RIC8B: variants seen among roughly 807,000 people sequenced by gnomAD.
RIC8B encodes the protein chaperone Ric-8B.
Under a neutral mutation model 57.5 loss-of-function variants are expected in RIC8B, and 16 were observed. That is an observed-to-expected ratio of 0.28 (90% CI 0.19 to 0.42). RIC8B has a LOEUF of 0.42. Among genes scored for constraint, RIC8B ranks in the 10% least tolerant of loss-of-function variants. The pLI, the probability that RIC8B is intolerant of heterozygous loss-of-function variation, is 1.00. For synonymous variants in RIC8B, 216 were observed against 250.8 expected (o/e 0.86, Z 1.31); for missense variants, 481 against 677.0 (o/e 0.71, Z 3.21).
intron 3 of RIC8B, chr12:106,823,529 C>A (rs1315244675): frequency 2.3e-6 from 1 of 442,888 alleles, no homozygotes; most frequent in Non-Finnish European, 4.5e-6. Flanking sequence ...TCAACATCAG[C>A]ATGAAAAGAG....
intron 3 of RIC8B, among the ~76,000 whole-genome samples, chr12:106,823,611 A>C (rs185430842): frequency 2.6e-4 from 39 of 152,312 alleles, no homozygotes; most frequent in African/African-American, 8.9e-4. Context: ...AATTTTTAAA[A>C]CTAAGGGAAA....
chr12:106,775,452 AATG>A, intron 1 of RIC8B: 1 of 436,928 alleles, frequency 2.3e-6, no homozygotes, highest in Non-Finnish European at 4.6e-6. Context: ...TGTAACTCCT[AATG>A]ATACCTGTTA....
In RIC8B at chr12:106,825,783, G is replaced by T; in HGVS notation, c.799G>T (p.Val267Leu). Residue 267 changes from valine (V) to leucine (L), a missense_variant, in exon 4 of 10, where the codon GTA (valine) becomes TTA (leucine). Transcript: ENST00000392837. ...AAVLRHCLLIVGPTEDKTEEL... is the reference protein window; with the variant it reads ...AAVLRHCLLILGPTEDKTEEL... The stretch of plus-strand genomic sequence containing the variant: ...TGTCCTTCGTCATTGTTTACTAATC[G>T]TAGGTCCAACTGAAGACAAAACAGA... 1 of 1,613,666 alleles carries T rather than the reference G, an allele frequency of 6.2e-7. No individual in the cohort carries two copies. Among genetic ancestry groups the T allele is most frequent in the Admixed American group, 1.7e-5 (1 of 59,998 alleles).
chr12:106,781,809 C>T (rs2043775300), intron 1 of RIC8B, among the ~76,000 whole-genome samples: 1 of 152,086 alleles, frequency 6.6e-6, no homozygotes, highest in African/African-American at 2.4e-5. Context: ...ATGGAATTAG[C>T]ATTTTACATA....
At chr12:106,803,733 C>G (rs1017013679) in intron 2 of RIC8B, among the ~76,000 whole-genome samples, 1 of 152,284 alleles carries the variant, frequency 6.6e-6, no homozygotes, top group Middle Eastern at 3.4e-3. Context: ...CCCATTAAAT[C>G]CTTTTGAGAA....
chr12:106,886,037 C>T lies in RIC8B; in HGVS notation c.*22C>T. ...CTAAAAGCATCACCTGCTCAACTCTCAATATTGCTTTATCAGCATCTTTTC... is the reference window on the plus strand; with the variant it reads ...CTAAAAGCATCACCTGCTCAACTCTTAATATTGCTTTATCAGCATCTTTTC... On this transcript the variant is annotated 3_prime_UTR_variant, in exon 10 of 10. Transcript: ENST00000392837. 3 of 1,478,656 alleles carry T rather than the reference C, an allele frequency of 2.0e-6. No homozygotes were observed. The highest frequency in any genetic ancestry group is 4.5e-5 in the East Asian group (2 of 44,224). The allele number at this position is 1,478,656 out of a possible 1,614,324, so 91.6% of individuals were successfully genotyped here. A position where few individuals can be genotyped will look rare whatever the true frequency, so the allele number is the denominator to read the frequency against.
chr12:106,798,840 C>G (rs2044605172), intron 2 of RIC8B, among the ~76,000 whole-genome samples: 1 of 152,116 alleles, frequency 6.6e-6, no homozygotes, highest in Admixed American at 6.5e-5. Flanking sequence ...TCTTATAGTT[C>G]ATTCCTTCAG....
In RIC8B at chr12:106,867,736, C is replaced by T. The variant is rs1436658016; in HGVS notation, c.1452-3087C>T. Among the ~76,000 whole-genome samples, 1 of 152,206 alleles carries T rather than the reference C, an allele frequency of 6.6e-6. No individual in the cohort carries two copies. The highest frequency in any genetic ancestry group is 1.5e-5 in the Non-Finnish European group (1 of 68,038). ...AGAAGAGACAGTGTTCATCTGCCTT[C>T]TGCCACAGCACACTGGCATTTTTCC... is the stretch of plus-strand genomic sequence containing the variant. On this transcript the variant is annotated intron_variant, in intron 8 of 9. Transcript: ENST00000392837. This position sits in a 1 kb window ranked among gnomAD's most constrained non-coding sequence, Gnocchi z 4.3.
At chr12:106,864,409 T>C (rs1457378686) in intron 8 of RIC8B, among the ~76,000 whole-genome samples, 1 of 152,156 alleles carries the variant, frequency 6.6e-6, no homozygotes, top group Non-Finnish European at 1.5e-5. Flanking sequence ...TGGTATTTAT[T>C]GAGTGCTTAA....
At chr12:106,791,382 T>TA (rs1349884448) in intron 2 of RIC8B, among the ~76,000 whole-genome samples, 4 of 152,212 alleles carry the variant, frequency 2.6e-5, no homozygotes, top group African/African-American at 9.6e-5. Context: ...AATATACTGT[T>TA]ACAATAGTGT....
chr12:106,831,366 A>G (rs1350430225), intron 4 of RIC8B, among the ~76,000 whole-genome samples: 1 of 152,156 alleles, frequency 6.6e-6, no homozygotes, highest in Non-Finnish European at 1.5e-5. Flanking sequence ...ATCACTTTGC[A>G]TGTGTTTATG....
chr12:106,832,848 GT>G (rs2046415639), intron 4 of RIC8B, among the ~76,000 whole-genome samples: 1 of 152,120 alleles, frequency 6.6e-6, no homozygotes, highest in Non-Finnish European at 1.5e-5. Flanking sequence ...AGGAAATTAA[GT>G]GGCTCTCTCG....
intron 8 of RIC8B, among the ~76,000 whole-genome samples, chr12:106,870,056 TTATCTTTTA>T (rs1950332182): frequency 6.6e-6 from 1 of 151,890 alleles, no homozygotes; most frequent in Admixed American, 6.6e-5. Context: ...ATTGAAAGAG[TTATCTTTTA>T]TTTCCTGTCC....
intron 2 of RIC8B, among the ~76,000 whole-genome samples, chr12:106,802,705 T>A (rs924784547): frequency 6.6e-6 from 1 of 152,094 alleles, no homozygotes; most frequent in Non-Finnish European, 1.5e-5. Flanking sequence ...TTCTTGTGTA[T>A]CACTAGATAC....
At chr12:106,788,213 C>T (rs768123249) in intron 2 of RIC8B, among the ~76,000 whole-genome samples, 6 of 152,192 alleles carry the variant, frequency 3.9e-5, no homozygotes, top group Non-Finnish European at 4.4e-5. Flanking sequence ...ATCTAGGTCA[C>T]GGTGATTCAA....
At chr12:106,798,158 G>A (rs2044571089) in intron 2 of RIC8B, 1 of 564,374 alleles carries the variant, frequency 1.8e-6, no homozygotes, top group Non-Finnish European at 3.3e-6. Context: ...TCTTTTTGAT[G>A]CCTCGGATTC....
chr12:106,822,099 AAAG>A (rs1566087245), intron 3 of RIC8B, among the ~76,000 whole-genome samples: 38 of 149,672 alleles, frequency 2.5e-4, no homozygotes, highest in South Asian at 1.0e-3. Flanking sequence ...AAAAAAAAAA[AAAG>A]AAGAAAAAAA....
rs1593419762 is a variant in RIC8B at position 106,882,931 on chromosome 12, T to G, written c.1572-2973T>G. ...GTTGTTCCATAATGAAATCCTATAA[T>G]TTGGCCATAAAACTAATATTTTTAA... On this transcript the variant is annotated intron_variant, in intron 9 of 9. Coordinates refer to ENST00000392837, the MANE Select transcript of RIC8B (RefSeq NM_001330145.2). Among the ~76,000 whole-genome samples the G allele has an allele frequency of 2.0e-5, 3 of 152,256 alleles. No homozygotes were observed. In the South Asian group the frequency reaches 6.2e-4, roughly 32 times the overall value.
At chr12:106,878,842 T>C (rs1193502278) in intron 9 of RIC8B, 2 of 272,528 alleles carry the variant, frequency 7.3e-6, no homozygotes, top group African/African-American at 4.6e-5. Context: ...CCTTTTCTTC[T>C]TTTCTAATCA....
Sources: allele counts gnomAD v4.1 joint callset (sites outside exome capture counted in the v4.1 genomes callset), GRCh38; gene constraint gnomAD v4.1.1; non-coding constraint Gnocchi (gnomAD v3.1); transcripts MANE v1.5; gene names NCBI Gene and HGNC (gene_info 2026-07-23, HGNC 2026-07-21).